The following PIK3CA variants were observed in gnomAD, a reference collection of about 807,000 sequenced individuals.
PIK3CA encodes phosphatidylinositol-4,5-bisphosphate 3-kinase catalytic subunit alpha, also known as phosphatidylinositol 4,5-bisphosphate 3-kinase catalytic subunit alpha isoform.
PIK3CA carries 27 observed loss-of-function variants against 138.2 expected under a neutral mutation model. That is an observed-to-expected ratio of 0.20 (90% CI 0.14 to 0.27). PIK3CA has a LOEUF of 0.27. Among genes scored for constraint, PIK3CA ranks in the 10% least tolerant of loss-of-function variants. The pLI is 1.00. For synonymous variants in PIK3CA, 358 were observed against 413.2 expected, an observed-to-expected ratio of 0.87 and a Z score of 1.62; for missense variants, 544 against 1,277.4, an observed-to-expected ratio of 0.43 and a Z score of 8.75.
chr3:179,161,196 C>T (rs1723270031), intron 1 of PIK3CA, among the ~76,000 whole-genome samples: 1 of 152,120 alleles, frequency 6.6e-6, no homozygotes, highest in South Asian at 2.1e-4. Context: ...TGGGTGTTTG[C>T]ACAAAGGGAG....
intron 9 of PIK3CA, among the ~76,000 whole-genome samples, chr3:179,215,408 T>C (rs933778777): frequency 1.3e-5 from 2 of 152,184 alleles, no homozygotes; most frequent in African/African-American, 2.4e-5. Context: ...TTGGAAACTT[T>C]TGTAAATCTA....
chr3:179,201,970 T>C (rs1724423278), intron 4 of PIK3CA, among the ~76,000 whole-genome samples: 1 of 152,212 alleles, frequency 6.6e-6, no homozygotes, highest in Non-Finnish European at 1.5e-5. Flanking sequence ...TGTAAGCTTA[T>C]TCTTTTAATT....
At position 179,198,915 on chromosome 3, in the gene PIK3CA, G is replaced by A. The variant is rs372968114; in HGVS notation, c.90G>A (p.Met30Ile). ...ILVECLLPNGMIVTLECLREA... is the reference protein window; with the variant it reads ...ILVECLLPNGIIVTLECLREA... ...TAGAATGTTTACTACCAAATGGAAT[G>A]ATAGTGACTTTAGAATGCCTCCGTG... Residue 30 changes from methionine to isoleucine, a missense_variant, in exon 2 of 21, where the codon ATG becomes ATA. Physicochemically the swap from Met to Ile is conservative, Grantham distance 10 (BLOSUM62 1). Coordinates refer to ENST00000263967, the MANE Select transcript of PIK3CA (RefSeq NM_006218.4). 3 of 1,611,740 alleles carry A rather than the reference G, an allele frequency of 1.9e-6. No homozygotes were observed. The African/African-American group carries it at 4.0e-5, about 22-fold the overall frequency.
chr3:179,184,616 A>G (rs778938415), intron 1 of PIK3CA, among the ~76,000 whole-genome samples: 3 of 152,232 alleles, frequency 2.0e-5, no homozygotes, highest in Non-Finnish European at 2.9e-5. Context: ...ATGTGGATGC[A>G]ATTAGGTGAA....
chr3:179,176,491 C>G (rs570708081), intron 1 of PIK3CA, among the ~76,000 whole-genome samples: 2 of 152,094 alleles, frequency 1.3e-5, no homozygotes, highest in Non-Finnish European at 2.9e-5. Context: ...TTTTCTCATT[C>G]TCCTTGTTTA....
intron 1 of PIK3CA, among the ~76,000 whole-genome samples, chr3:179,196,902 T>C (rs1724278577): frequency 2.6e-5 from 4 of 152,184 alleles, no homozygotes; most frequent in Admixed American, 2.6e-4. Context: ...ATTTGAAGAA[T>C]GTAGACAGAA....
At chr3:179,149,117 C>T (rs1401555063) in intron 1 of PIK3CA, among the ~76,000 whole-genome samples, 1 of 152,164 alleles carries the variant, frequency 6.6e-6, no homozygotes, top group Non-Finnish European at 1.5e-5. Flanking sequence ...GTTTAAATCG[C>T]CCGGCAGGGG....
At chr3:179,211,624 G>A (rs575223741) in intron 9 of PIK3CA, among the ~76,000 whole-genome samples, 24 of 152,230 alleles carry the variant, frequency 1.6e-4, no homozygotes, top group Non-Finnish European at 2.9e-4. Context: ...CCGAGGTCAC[G>A]CCATTGCACT....
rs1725367165 is a variant in PIK3CA, at chr3:179,238,129, T to C, written c.*3765T>C. On this transcript the variant is annotated 3_prime_UTR_variant, in exon 21 of 21. Transcript: ENST00000263967. ...CATTCTTTATATCCATCCTGCTCAT[T>C]TGGGGCATGTCTTTAAGAGAAGGCT... 1 of 224,090 alleles carries C rather than the reference T, an allele frequency of 4.5e-6. No individual in the cohort carries two copies. 13.9% of individuals were successfully genotyped at this position (224,090 alleles called of 1,614,324 possible).
chr3:179,158,362 A>G (rs999610770), intron 1 of PIK3CA, among the ~76,000 whole-genome samples: 8 of 152,144 alleles, frequency 5.3e-5, no homozygotes, highest in East Asian at 1.9e-4. Flanking sequence ...TTTCACATCT[A>G]GTCTGTGCTT....
intron 14 of PIK3CA, among the ~76,000 whole-genome samples, chr3:179,223,869 G>C (rs1222584522): frequency 1.3e-5 from 2 of 152,156 alleles, no homozygotes; most frequent in Non-Finnish European, 2.9e-5. Flanking sequence ...TCTTCTTACA[G>C]GAAGGGGTAC....
chr3:179,234,145 T>C lies in PIK3CA; in HGVS notation c.2988T>C (p.Asn996=), dbSNP rs2108429171. The C allele has an allele frequency of 6.2e-7, 1 of 1,612,848 alleles. No homozygotes were observed. The highest frequency in any genetic ancestry group is 8.5e-7 in the Non-Finnish European group (1 of 1,178,958). Residue 996 remains asparagine (N), a synonymous_variant, in exon 21 of 21, where the codon AAT becomes AAC. Coordinates refer to ENST00000263967, the MANE Select transcript of PIK3CA (RefSeq NM_006218.4). This position sits in a 1 kb window ranked among gnomAD's most constrained non-coding sequence, Gnocchi z 5.1. ...ATCTAGCTATTCGACAGCATGCCAA[T>C]CTCTTCATAAATCTTTTCTCAATGA... The part of the protein sequence containing the change: ...KAYLAIRQHA[N]LFINLFSMML...
chr3:179,160,812 C>T (rs1269239937), intron 1 of PIK3CA, among the ~76,000 whole-genome samples: 2 of 152,058 alleles, frequency 1.3e-5, no homozygotes, highest in African/African-American at 2.4e-5. Context: ...AGAAAAATGT[C>T]GATTCTGTAC....
At position 179,199,059 on chromosome 3, in the gene PIK3CA, A is replaced by G. The variant is rs1724340433; in HGVS notation, c.234A>G (p.Glu78=). The stretch of plus-strand genomic sequence containing the variant: ...TCGTAAGTGTTACTCAAGAAGCAGA[A>G]AGGGAAGAATTTTTTGATGAAACAA... ...YIFVSVTQEA[E]REEFFDETRR... Residue 78 remains glutamate, a synonymous_variant, in exon 2 of 21, where the codon GAA becomes GAG. Coordinates refer to ENST00000263967, the MANE Select transcript of PIK3CA (RefSeq NM_006218.4). The G allele has an allele frequency of 6.2e-7, 1 of 1,613,780 alleles. No homozygotes were observed. Among genetic ancestry groups the G allele is most frequent in the Non-Finnish European group, 8.5e-7 (1 of 1,179,864 alleles).
At chr3:179,171,432 G>T (rs1723556370) in intron 1 of PIK3CA, among the ~76,000 whole-genome samples, 1 of 152,022 alleles carries the variant, frequency 6.6e-6, no homozygotes, top group Non-Finnish European at 1.5e-5. Flanking sequence ...TAGAAGAAAG[G>T]GAGTAATAAA....
At chr3:179,164,881 GAAAAAGA>G (rs1027424451) in intron 1 of PIK3CA, among the ~76,000 whole-genome samples, 2 of 150,824 alleles carry the variant, frequency 1.3e-5, no homozygotes, top group Non-Finnish European at 1.5e-5. Flanking sequence ...AAAAAAAAAA[GAAAAAGA>G]AAAAAGAAAT....
chr3:179,234,000 G>A (rs1054296158), intron 20 of PIK3CA, 94 bp from the exon 21 acceptor site: 30 of 826,528 alleles, frequency 3.6e-5, no homozygotes, highest in Non-Finnish European at 5.0e-5. Flanking sequence ...CTTTGTCTAC[G>A]AAAGCCTCTC....
At chr3:179,175,084 C>T (rs1411952180) in intron 1 of PIK3CA, among the ~76,000 whole-genome samples, 1 of 152,188 alleles carries the variant, frequency 6.6e-6, no homozygotes, top group Non-Finnish European at 1.5e-5. Flanking sequence ...TTCCCTACAC[C>T]TGCTTCCTGT....
Position 179,230,211 on chromosome 3 carries a change from C to A in PIK3CA, c.2785-14C>A, listed in dbSNP as rs2108424710. 2 of 1,591,504 alleles carry A rather than the reference C, an allele frequency of 1.3e-6. No individual in the cohort carries two copies. The highest frequency in any genetic ancestry group is 1.7e-6 in the Non-Finnish European group (2 of 1,165,702). On this transcript the variant is annotated splice_polypyrimidine_tract_variant and intron_variant, in intron 19 of 20. Coordinates refer to ENST00000263967, the MANE Select transcript of PIK3CA (RefSeq NM_006218.4). This position sits in a 1 kb window ranked among gnomAD's most constrained non-coding sequence, Gnocchi z 5.4. ...CATATATCAAACTATAACATAATTT[C>A]TTATTTTTGAAAGCTGTTTCATATA...
Sources: gnomAD v4.1 joint callset for allele counts (sites outside exome capture counted in the v4.1 genomes callset) on GRCh38, gnomAD v4.1.1 for gene constraint, Gnocchi (gnomAD v3.1) non-coding constraint, MANE v1.5 for transcripts, NCBI Gene and HGNC (gene_info 2026-07-23, HGNC 2026-07-21) for gene names.